DENND4A: variants seen among roughly 807,000 people sequenced by gnomAD.
DENND4A encodes DENN domain containing 4A, also known as C-myc promoter-binding protein.
A neutral mutation model predicts 199.3 loss-of-function variants in DENND4A; 70 were observed. That is an observed-to-expected ratio of 0.35 (90% CI 0.29 to 0.43). DENND4A has a LOEUF of 0.43. Ranked by LOEUF, DENND4A falls within the 20% of genes least tolerant of loss-of-function variation. DENND4A has a pLI of 1.00. For synonymous variants in DENND4A, 686 were observed against 766.9 expected (o/e 0.89, Z 1.74); for missense variants, 1,723 against 2,255.8 (o/e 0.76, Z 4.78).
intron 7 of DENND4A, among the ~76,000 whole-genome samples, chr15:65,736,813 G>A (rs2076132501): frequency 1.3e-5 from 2 of 152,120 alleles, no homozygotes; most frequent in South Asian, 4.1e-4. Context: ...ATATATGGAA[G>A]CCCAGCTATG....
intron 21 of DENND4A, chr15:65,696,892 CATGG>C (rs1331430807): frequency 3.1e-6 from 1 of 325,870 alleles, no homozygotes; most frequent in African/African-American, 2.2e-5. Context: ...ATCTCACAAA[CATGG>C]ATGAATACCC....
intron 23 of DENND4A, 29 bp downstream of exon 23, chr15:65,690,386 T>C (rs761187119): frequency 8.3e-5 from 127 of 1,530,922 alleles, no homozygotes; most frequent in Non-Finnish European, 9.8e-5. Context: ...TGTGTGACAG[T>C]AAAAGTAGCA....
intron 23 of DENND4A, among the ~76,000 whole-genome samples, chr15:65,684,095 T>C (rs980953062): frequency 6.6e-6 from 1 of 152,266 alleles, no homozygotes; most frequent in Non-Finnish European, 1.5e-5. Flanking sequence ...TATATTCCAC[T>C]GTATAACACA....
chr15:65,687,287 G>C (rs2076819335), intron 23 of DENND4A, among the ~76,000 whole-genome samples: 1 of 151,860 alleles, frequency 6.6e-6, no homozygotes, highest in African/African-American at 2.4e-5. Context: ...AGGTCTGTGG[G>C]GTAAGTTCCT....
chr15:65,711,397 G>A (rs2075245350), intron 14 of DENND4A, among the ~76,000 whole-genome samples: 1 of 152,192 alleles, frequency 6.6e-6, no homozygotes, highest in South Asian at 2.1e-4. Context: ...AGGAGACTGA[G>A]GTGAGAAATC....
intron 13 of DENND4A, among the ~76,000 whole-genome samples, chr15:65,715,969 T>C (rs1262676187): frequency 1.3e-5 from 2 of 151,990 alleles, no homozygotes; most frequent in Admixed American, 1.3e-4. Context: ...TAAATATATA[T>C]ATCATATATA....
At position 65,771,268 on chromosome 15, in the gene DENND4A, T is replaced by C. The variant is rs569094803; in HGVS notation, c.-101-9830A>G. ...TCCTTCGGAGTCGATCACCACGGTA[T>C]ACTTTTGCTGCATACTGCATATCTG... On this transcript the variant is annotated intron_variant, in intron 1 of 32. Transcript: ENST00000443035. 4.4e-5 allele frequency: 70 copies of C among 1,587,450 alleles called. 2 individuals carry two copies. In the South Asian group the frequency reaches 7.3e-4, roughly 17 times the overall value.
Position 65,734,202 on chromosome 15 carries a change from G to A in DENND4A, c.1041-1384C>T, listed in dbSNP as rs569027205. ...GTCTCGGTATAAAACCCGATTGTAC[G>A]TTCCATCTACTGAGATAGGGAAAAA... On this transcript the variant is annotated intron_variant, in intron 7 of 32. Coordinates refer to ENST00000443035, the MANE Select transcript of DENND4A (RefSeq NM_001320835.1). 5.9e-5 allele frequency among the ~76,000 whole-genome samples: 9 copies of A among 152,346 alleles called. No homozygotes were observed. The East Asian group carries it at 1.3e-3, about 23-fold the overall frequency.
At chr15:65,683,055 T>C (rs1232387674) in intron 23 of DENND4A, among the ~76,000 whole-genome samples, 1 of 152,130 alleles carries the variant, frequency 6.6e-6, no homozygotes, top group African/African-American at 2.4e-5. Context: ...ATTACCAAAA[T>C]GTGACACAGA....
At position 65,674,764 on chromosome 15, in the gene DENND4A, T is replaced by G. The variant is rs563442756; in HGVS notation, c.4369+1681A>C. Among the ~76,000 whole-genome samples the G allele has an allele frequency of 9.2e-5, 14 of 152,014 alleles. No homozygotes were observed. In the South Asian group the frequency reaches 2.9e-3, roughly 32 times the overall value. ...AAAAAAAAAAAGACACATTATATGT[T>G]ACACTTAAATAGTTTAAAATAGATA... On this transcript the variant is annotated intron_variant, in intron 24 of 32. Coordinates refer to ENST00000443035, the MANE Select transcript of DENND4A (RefSeq NM_001320835.1).
chr15:65,787,568 C>A (rs988039174), intron 1 of DENND4A, among the ~76,000 whole-genome samples: 1 of 151,966 alleles, frequency 6.6e-6, no homozygotes, highest in Non-Finnish European at 1.5e-5. Context: ...GAATATATAC[C>A]CAGCCCTTCT....
chr15:65,701,641 A>T (rs1008770544), intron 18 of DENND4A, 121 bp downstream of exon 18: 1 of 917,056 alleles, frequency 1.1e-6, no homozygotes, highest in Non-Finnish European at 1.6e-6. Context: ...CTTGATTGAC[A>T]AAATGTATTT....
At position 65,775,637 on chromosome 15, in the gene DENND4A, C is replaced by CAAAA. The variant is rs59714693; in HGVS notation, c.-101-14203_-101-14200dup. ...GCCTGGGTGACAGTGCAAGACTCCTCAAAAAAAAAAAAAAAAAAAAAAAAA... is the reference window on the plus strand; with the variant it reads ...GCCTGGGTGACAGTGCAAGACTCCTCAAAAAAAAAAAAAAAAAAAAAAAAAAAAA... On this transcript the variant is annotated intron_variant, in intron 1 of 32. Coordinates refer to ENST00000443035, the MANE Select transcript of DENND4A (RefSeq NM_001320835.1). Among the ~76,000 whole-genome samples the CAAAA allele has an allele frequency of 8.3e-4, 23 of 27,680 alleles. 2 individuals carry two copies. The highest frequency in any genetic ancestry group is 1.0e-3 in the Non-Finnish European group (15 of 14,434). The allele number at this position is 27,680 out of a possible 152,430, so 18.2% of individuals were successfully genotyped here.
At chr15:65,785,706 C>T (rs1057496045) in intron 1 of DENND4A, among the ~76,000 whole-genome samples, 3 of 151,810 alleles carry the variant, frequency 2.0e-5, no homozygotes, top group African/African-American at 7.3e-5. Flanking sequence ...ACATTGAATT[C>T]TGAAACACTG....
At chr15:65,759,179 T>G (rs2076788222) in intron 2 of DENND4A, among the ~76,000 whole-genome samples, 1 of 152,212 alleles carries the variant, frequency 6.6e-6, no homozygotes, top group Non-Finnish European at 1.5e-5. Flanking sequence ...CCCACTATTT[T>G]CTTTAAAAAT....
At chr15:65,752,728 T>C in intron 3 of DENND4A, 100 bp from the exon 4 acceptor site, 1 of 745,532 alleles carries the variant, frequency 1.3e-6, no homozygotes, top group Non-Finnish European at 2.1e-6. Context: ...AGTAGCATGG[T>C]AAAAATATTC....
Position 65,667,585 on chromosome 15 carries a change from G to A in DENND4A, c.5105C>T (p.Ala1702Val), listed in dbSNP as rs1406159004. The A allele has an allele frequency of 1.9e-6, 3 of 1,613,936 alleles. No individual in the cohort carries two copies. Among genetic ancestry groups the A allele is most frequent in the Non-Finnish European group, 2.5e-6 (3 of 1,179,884 alleles). ...ESLLENEGDH[A>V]ITVADFVDHH... ...GTCCACAAAGTCTGCTACTGTTATT[G>A]CATGATCACCTTCATTTTCCAATAA... Residue 1702 changes from alanine to valine, a missense_variant, in exon 29 of 33, where the codon GCA (alanine) becomes GTA (valine). Physicochemically the swap from Ala to Val is moderately conservative, Grantham distance 64. Transcript: ENST00000443035.
At position 65,665,757 on chromosome 15, in the gene DENND4A, C is replaced by A. The variant is rs559693010; in HGVS notation, c.5242-295G>T. Among the ~76,000 whole-genome samples the A allele has an allele frequency of 9.9e-5, 15 of 152,258 alleles. No homozygotes were observed. In the South Asian group the frequency reaches 2.7e-3, roughly 27 times the overall value. ...GATTGAAAGTCACAGAAAGATAAAT[C>A]CAGGAGTCCCATCCTATATCATCCA... is the stretch of plus-strand genomic sequence containing the variant. On this transcript the variant is annotated intron_variant, in intron 29 of 32. Coordinates refer to ENST00000443035, the MANE Select transcript of DENND4A (RefSeq NM_001320835.1).
intron 11 of DENND4A, chr15:65,728,831 T>G: frequency 2.1e-6 from 1 of 481,560 alleles, no homozygotes; most frequent in Non-Finnish European, 3.8e-6. Context: ...TTAAAATGTT[T>G]CTTAAATATT....
Sources: allele counts gnomAD v4.1 joint callset (sites outside exome capture counted in the v4.1 genomes callset), GRCh38; gene constraint gnomAD v4.1.1; transcripts MANE v1.5; gene names NCBI Gene and HGNC (gene_info 2026-07-23, HGNC 2026-07-21).